The following HDAC9 variants were observed in gnomAD, a reference collection of about 807,000 sequenced individuals.
HDAC9 encodes the protein histone deacetylase 9.
A neutral mutation model predicts 139.4 loss-of-function variants in HDAC9; 41 were observed. The ratio of observed to expected loss-of-function variants is 0.29; its 90% CI spans 0.23 to 0.38. HDAC9 has a LOEUF of 0.38. Among genes scored for constraint, HDAC9 ranks in the 10% least tolerant of loss-of-function variants. HDAC9 has a pLI of 1.00. For missense variants in HDAC9, 1,147 were observed against 1,297.0 expected (o/e 0.88, Z 1.78); for synonymous variants, 517 against 476.2 (o/e 1.09, Z -1.12).
In HDAC9 at chr7:18,443,846, G is replaced by T. The variant is rs150963847; in HGVS notation, c.-41-52416G>T. ...TATATACACATTTGTATAAACATTT[G>T]TATATACATTTGTATAAACATATAT... On this transcript the variant is annotated intron_variant, in intron 1 of 3. Transcript: ENST00000413509. 1.7e-3 allele frequency among the ~76,000 whole-genome samples: 259 copies of T among 150,472 alleles called. 1 individual carries two copies. Among genetic ancestry groups the T allele is most frequent in the African/African-American group, 6.0e-3 (247 of 40,834 alleles).
intron 13 of HDAC9, among the ~76,000 whole-genome samples, chr7:18,741,229 T>C (rs1024567309): frequency 7.2e-5 from 11 of 152,206 alleles, no homozygotes; most frequent in African/African-American, 2.4e-4. Context: ...GAGAAAACTT[T>C]AAGAGATAGA....
At chr7:18,782,408 A>G (rs552966971) in intron 16 of HDAC9, among the ~76,000 whole-genome samples, 1 of 152,168 alleles carries the variant, frequency 6.6e-6, no homozygotes, top group African/African-American at 2.4e-5. Context: ...TTTCCGTTTT[A>G]AATACCTTCA....
rs758529315 is a variant in HDAC9 at position 18,585,284 on chromosome 7, A to T, written c.26A>T (p.Asp9Val). ...CCCTTTTTTTCTGGTTCTTTAGTGG[A>T]TGTGAAGTCAGAAGTTCCTGTGGGC... is the stretch of plus-strand genomic sequence containing the variant. MHSMISSV[D>V]VKSEVPVGLE... The change falls in exon 3 of 26, where the codon GAT becomes GTT. Residue 9 changes from aspartate to valine, a missense_variant. This residue lies in a region of HDAC9 where 136 missense variants were observed against 183.5 expected (regional missense o/e 0.74). Transcript: ENST00000686413. 1.8e-5 allele frequency: 28 copies of T among 1,587,468 alleles called. No individual in the cohort carries two copies. The highest frequency in any genetic ancestry group is 2.3e-5 in the Non-Finnish European group (27 of 1,165,596).
chr7:18,119,661 C>G (rs1784237308), intron 1 of HDAC9, among the ~76,000 whole-genome samples: 1 of 152,174 alleles, frequency 6.6e-6, no homozygotes, highest in Non-Finnish European at 1.5e-5. Context: ...GAAAATCTGA[C>G]TGTCTAATTT....
chr7:18,405,094 G>A (rs1787887128), intron 1 of HDAC9, among the ~76,000 whole-genome samples: 1 of 152,214 alleles, frequency 6.6e-6, no homozygotes, highest in Non-Finnish European at 1.5e-5. Context: ...CGCAGATAAA[G>A]GGAGCATGCG....
At chr7:18,472,432 A>AC (rs1794796368) in intron 1 of HDAC9, among the ~76,000 whole-genome samples, 2 of 151,846 alleles carry the variant, frequency 1.3e-5, no homozygotes, top group South Asian at 4.2e-4. Context: ...CACATGCGCA[A>AC]CCCCCGGAAG....
chr7:18,199,754 CAAAAAAAAA>C (rs59883693), intron 2 of HDAC9, among the ~76,000 whole-genome samples: 4 of 55,710 alleles, frequency 7.2e-5, no homozygotes, highest in African/African-American at 3.0e-4. Context: ...ATGTGTCTAC[CAAAAAAAAA>C]AAAAAAAAAA....
In HDAC9 at chr7:18,356,407, C is replaced by G. The variant is rs887942756; in HGVS notation, c.-42+65892C>G. On this transcript the variant is annotated intron_variant, in intron 1 of 3. Transcript: ENST00000413509. ...TTTTAAAGACAACAAACTTGTAACT[C>G]CCAAGCATCAAGAATGCCCAGTTGT... is the stretch of plus-strand genomic sequence containing the variant. Among the ~76,000 whole-genome samples, 6 of 111,216 alleles carry G rather than the reference C, an allele frequency of 5.4e-5. No individual in the cohort carries two copies. In the South Asian group the frequency reaches 1.9e-3, roughly 35 times the overall value. The allele number at this position is 111,216 out of a possible 152,430, so 73.0% of individuals were successfully genotyped here.
At chr7:18,875,873 G>C (rs1799284574) in intron 22 of HDAC9, among the ~76,000 whole-genome samples, 3 of 152,114 alleles carry the variant, frequency 2.0e-5, no homozygotes, top group Non-Finnish European at 4.4e-5. Flanking sequence ...AAGAGAGTTT[G>C]TACATCAAGT....
chr7:18,246,159 G>T (rs1247018316), intron 2 of HDAC9, among the ~76,000 whole-genome samples: 2 of 148,068 alleles, frequency 1.4e-5, no homozygotes, highest in Non-Finnish European at 3.0e-5. Context: ...AAAAAGAAGG[G>T]TTGAGCAGGG....
rs941930240 is a variant in HDAC9, at chr7:18,170,647, T to C, written c.25+8298T>C. Among the ~76,000 whole-genome samples, 8 of 152,218 alleles carry C rather than the reference T, an allele frequency of 5.3e-5. 1 individual carries two copies. Among genetic ancestry groups the C allele is most frequent in the African/African-American group, 1.4e-4 (6 of 41,454 alleles). On this transcript the variant is annotated intron_variant, in intron 2 of 12. Coordinates refer to the HDAC9 transcript ENST00000417496. ...TATAAGGTGTAAGGAAGGGATCCAGTTTCAGCTTTCTACATATGGCTAGCC... is the reference window on the plus strand; with the variant it reads ...TATAAGGTGTAAGGAAGGGATCCAGCTTCAGCTTTCTACATATGGCTAGCC...
intron 2 of HDAC9, among the ~76,000 whole-genome samples, chr7:18,190,075 G>T (rs1207644558): frequency 2.0e-5 from 3 of 152,126 alleles, no homozygotes; most frequent in Admixed American, 6.5e-5. Flanking sequence ...AACTAGCTGG[G>T]ATTACAGGTG....
intron 1 of HDAC9, among the ~76,000 whole-genome samples, chr7:18,101,196 G>A (rs563411873): frequency 6.6e-6 from 1 of 152,086 alleles, no homozygotes; most frequent in Admixed American, 6.5e-5. Context: ...CAGTACTCTG[G>A]CCTGTGACAT....
intron 25 of HDAC9, among the ~76,000 whole-genome samples, chr7:18,976,476 G>T (rs1224840215): frequency 6.6e-6 from 1 of 152,204 alleles, no homozygotes. Flanking sequence ...TGCCTGCAAA[G>T]GAGACAAGAG....
At chr7:18,436,231 A>G (rs372842552) in intron 1 of HDAC9, among the ~76,000 whole-genome samples, 6 of 152,296 alleles carry the variant, frequency 3.9e-5, no homozygotes, top group African/African-American at 9.6e-5. Flanking sequence ...CTTAAGTGGT[A>G]TTGTCTAAAG....
chr7:18,391,384 C>CAA, intron 1 of HDAC9, among the ~76,000 whole-genome samples: 1 of 146,400 alleles, frequency 6.8e-6, no homozygotes, highest in African/African-American at 2.5e-5. Flanking sequence ...GACGCCATCC[C>CAA]CCCCCCAAAA....
At chr7:18,317,019 G>T (rs1394092821) in intron 1 of HDAC9, among the ~76,000 whole-genome samples, 1 of 151,150 alleles carries the variant, frequency 6.6e-6, no homozygotes, top group Non-Finnish European at 1.5e-5. Flanking sequence ...GCGTGAACCC[G>T]GGAGGCAGAG....
At chr7:18,832,489 A>C (rs1313195696) in intron 19 of HDAC9, among the ~76,000 whole-genome samples, 1 of 152,214 alleles carries the variant, frequency 6.6e-6, no homozygotes, top group Non-Finnish European at 1.5e-5. Flanking sequence ...CTTTTTAACC[A>C]GTAAAATATT....
Position 18,715,617 on chromosome 7 carries a change from A to C in HDAC9, c.1732-11963A>C, listed in dbSNP as rs114261059. Among the ~76,000 whole-genome samples, 654 of 152,266 alleles carry C rather than the reference A, an allele frequency of 4.3e-3. 1 individual carries two copies. Among genetic ancestry groups the C allele is most frequent in the African/African-American group, 0.015 (623 of 41,558 alleles). ...ATAAAGATTAATGTCTGATCCTGAA[A>C]GAATTGGGATCCTACTTACTTGACC... On this transcript the variant is annotated intron_variant, in intron 12 of 25. Coordinates refer to ENST00000686413, the MANE Select transcript of HDAC9 (RefSeq NM_178425.4).
Sources: allele counts gnomAD v4.1 joint callset (sites outside exome capture counted in the v4.1 genomes callset), GRCh38; gene constraint gnomAD v4.1.1; regional missense constraint gnomAD v4.1.1; transcripts MANE v1.5; gene names NCBI Gene and HGNC (gene_info 2026-07-23, HGNC 2026-07-21).